The following ADAM32 variants were observed in gnomAD, a reference collection of about 807,000 sequenced individuals.
ADAM32 encodes ADAM metallopeptidase domain 32, also known as disintegrin and metalloproteinase domain-containing protein 32.
ADAM32 carries 89 observed loss-of-function variants against 114.9 expected under a neutral mutation model. That is an observed-to-expected ratio of 0.77 (90% CI 0.65 to 0.92). The LOEUF is 0.92. Ranked by LOEUF, ADAM32 falls within the 40% of genes least tolerant of loss-of-function variation. ADAM32 has a pLI of 0.00. For synonymous variants in ADAM32, 285 were observed against 307.5 expected, an observed-to-expected ratio of 0.93 and a Z score of 0.77; for missense variants, 870 against 932.8, an observed-to-expected ratio of 0.93 and a Z score of 0.88.
At chr8:39,149,969 T>C in intron 5 of ADAM32, 102 bp downstream of exon 5, 1 of 826,550 alleles carries the variant, frequency 1.2e-6, no homozygotes, top group East Asian at 2.7e-5. Context: ...AGCTTTCCTA[T>C]GTGGAGATTA....
At chr8:39,188,320 T>TAA (rs1564561810) in intron 11 of ADAM32, among the ~76,000 whole-genome samples, 1 of 152,136 alleles carries the variant, frequency 6.6e-6, no homozygotes, top group Non-Finnish European at 1.5e-5. Context: ...TGTATATATA[T>TAA]AATTGATATG....
chr8:39,114,845 T>C (rs1016649582), intron 1 of ADAM32, among the ~76,000 whole-genome samples: 1 of 152,078 alleles, frequency 6.6e-6, no homozygotes, highest in African/African-American at 2.4e-5. Context: ...ATCTGAGAAG[T>C]AGTTTTTCAG....
At chr8:39,222,308 C>T (rs1305850624) in intron 13 of ADAM32, among the ~76,000 whole-genome samples, 1 of 151,948 alleles carries the variant, frequency 6.6e-6, no homozygotes, top group African/African-American at 2.4e-5. Context: ...GTTGAATTAT[C>T]CGTAATGCAG....
chr8:39,198,437 G>T lies in ADAM32; in HGVS notation c.1052+11392G>T, dbSNP rs577038277. On this transcript the variant is annotated intron_variant, in intron 11 of 24. Coordinates refer to ENST00000379907, the MANE Select transcript of ADAM32 (RefSeq NM_145004.7). ...TTGTCACTCAGGCTGGAGTGAAGTG[G>T]TGTGATCTTGGCTCACTGCAACCTC... 2.0e-5 allele frequency among the ~76,000 whole-genome samples: 3 copies of T among 152,174 alleles called. No homozygotes were observed. The South Asian group carries it at 6.2e-4, about 32-fold the overall frequency.
chr8:39,217,106 T>TAC (rs143475710), intron 12 of ADAM32, among the ~76,000 whole-genome samples: 2 of 130,976 alleles, frequency 1.5e-5, no homozygotes, highest in Admixed American at 7.4e-5. Flanking sequence ...GTTTAAAGAA[T>TAC]ATATATATAT....
chr8:39,144,000 G>C (rs563111972), intron 3 of ADAM32, among the ~76,000 whole-genome samples: 1 of 152,344 alleles, frequency 6.6e-6, no homozygotes, highest in South Asian at 2.1e-4. Context: ...CAGTGAGAAA[G>C]GCTCCATGGG....
chr8:39,193,935 G>T (rs987485774), intron 11 of ADAM32, among the ~76,000 whole-genome samples: 1 of 152,190 alleles, frequency 6.6e-6, no homozygotes, highest in Non-Finnish European at 1.5e-5. Flanking sequence ...CAGCCAAAGT[G>T]CTTCCTAGGG....
At chr8:39,274,282 C>G (rs758987488) in intron 20 of ADAM32, 30 bp from the exon 21 acceptor site, 2 of 1,612,278 alleles carry the variant, frequency 1.2e-6, no homozygotes, top group South Asian at 1.1e-5. Flanking sequence ...TTAGTACTAA[C>G]TTGAGACATT....
In ADAM32 at chr8:39,248,465, A is replaced by G. The variant is rs1175936847; in HGVS notation, c.1902+2299A>G. Among the ~76,000 whole-genome samples, 4 of 152,152 alleles carry G rather than the reference A, an allele frequency of 2.6e-5. No individual in the cohort carries two copies. In the South Asian group the frequency reaches 6.2e-4, roughly 24 times the overall value. On this transcript the variant is annotated intron_variant, in intron 17 of 24. Transcript: ENST00000379907. ...TGGGGGGGCTAATGCAAATAGTATT[A>G]TGTCTTTAATTTCAAGTTTCATTTG...
chr8:39,277,357 A>G (rs1813138892), intron 22 of ADAM32, among the ~76,000 whole-genome samples: 1 of 152,250 alleles, frequency 6.6e-6, no homozygotes, highest in South Asian at 2.1e-4. Flanking sequence ...GAATTTTAGT[A>G]ACATCATTTG....
chr8:39,231,717 G>T (rs528746887), intron 14 of ADAM32, among the ~76,000 whole-genome samples: 23 of 152,196 alleles, frequency 1.5e-4, no homozygotes, highest in Admixed American at 5.9e-4. Context: ...CTAGAAGAAT[G>T]GTATAGTTTT....
rs1471813686 is a variant in ADAM32, at chr8:39,257,491, C to G, written c.2162+148C>G. Reference sequence around the variant, plus strand: ...TATGTCATTTAATTTTATGAGGTAGCTGTGAATACCCATTTTTAAGACACA... The same window carrying G: ...TATGTCATTTAATTTTATGAGGTAGGTGTGAATACCCATTTTTAAGACACA... On this transcript the variant is annotated intron_variant, in intron 19 of 24. Transcript: ENST00000379907. 5.5e-5 allele frequency: 56 copies of G among 1,009,438 alleles called. 1 individual carries two copies. The highest frequency in any genetic ancestry group is 7.0e-5 in the Non-Finnish European group (51 of 724,082). The allele number at this position is 1,009,438 out of a possible 1,614,324, so 62.5% of individuals were successfully genotyped here.
intron 1 of ADAM32, among the ~76,000 whole-genome samples, chr8:39,111,994 C>A (rs1264518461): frequency 6.6e-6 from 1 of 152,010 alleles, no homozygotes; most frequent in Non-Finnish European, 1.5e-5. Flanking sequence ...ATTTCTGGAT[C>A]AAAATCCTGG....
At chr8:39,146,950 T>A (rs1803541853) in intron 3 of ADAM32, among the ~76,000 whole-genome samples, 180 bp from the exon 4 acceptor site, 1 of 152,214 alleles carries the variant, frequency 6.6e-6, no homozygotes, top group Non-Finnish European at 1.5e-5. Context: ...TAATCTCTCA[T>A]CTTACAGCAT....
At chr8:39,204,940 C>T (rs1012673124) in intron 11 of ADAM32, among the ~76,000 whole-genome samples, 8 of 152,172 alleles carry the variant, frequency 5.3e-5, no homozygotes, top group East Asian at 1.9e-4. Context: ...TGTAGAACAG[C>T]GAATATTGCT....
chr8:39,175,521 C>T (rs1017814618), intron 10 of ADAM32, among the ~76,000 whole-genome samples: 13 of 152,098 alleles, frequency 8.5e-5, no homozygotes, highest in East Asian at 1.9e-4. Context: ...ATCCTGGGGA[C>T]GAAGCCAACT....
intron 5 of ADAM32, among the ~76,000 whole-genome samples, chr8:39,150,581 C>T (rs1044791016): frequency 3.3e-5 from 5 of 152,072 alleles, no homozygotes; most frequent in South Asian, 2.1e-4. Flanking sequence ...TTCCTCCTTA[C>T]GGCTTAGGGA....
chr8:39,218,640 C>A (rs1285973987), intron 12 of ADAM32, among the ~76,000 whole-genome samples: 1 of 152,264 alleles, frequency 6.6e-6, no homozygotes, highest in African/African-American at 2.4e-5. Context: ...CACCCTATGG[C>A]CTCTGCCACC....
chr8:39,147,756 TTTA>T (rs1203898891), intron 4 of ADAM32, among the ~76,000 whole-genome samples: 1 of 152,010 alleles, frequency 6.6e-6, no homozygotes, highest in Admixed American at 6.6e-5. Context: ...ATCCCTTCAT[TTTA>T]TTTATTTATC....
Sources: allele counts gnomAD v4.1 joint callset (sites outside exome capture counted in the v4.1 genomes callset), GRCh38; gene constraint gnomAD v4.1.1; transcripts MANE v1.5; gene names NCBI Gene and HGNC (gene_info 2026-07-23, HGNC 2026-07-21).